YBX3: variants seen among roughly 807,000 people sequenced by gnomAD.
The protein encoded by YBX3 is Y-box-binding protein 3.
A neutral mutation model predicts 42.4 loss-of-function variants in YBX3; 29 were observed. The observed-to-expected ratio is 0.68, with a 90% CI of 0.51 to 0.93. YBX3 has a LOEUF of 0.93. YBX3 is among the 40% of genes least tolerant of loss of function. YBX3 has a pLI of 0.00. For synonymous variants in YBX3, 195 were observed against 189.8 expected, an observed-to-expected ratio of 1.03 and a Z score of -0.22; for missense variants, 517 against 527.5, an observed-to-expected ratio of 0.98 and a Z score of 0.19.
chr12:10,721,517 T>C (rs1390711508), intron 1 of YBX3, among the ~76,000 whole-genome samples: 1 of 152,192 alleles, frequency 6.6e-6, no homozygotes, highest in East Asian at 1.9e-4. Flanking sequence ...AACATCACAA[T>C]GTACTACTGA....
chr12:10,711,499 C>T (rs947550262), intron 5 of YBX3: 1 of 152,126 alleles, frequency 6.6e-6, no homozygotes, highest in African/African-American at 2.4e-5. Context: ...ATTATGTAAA[C>T]GTTTATTTGC....
At chr12:10,722,278 C>T (rs1391079202) in intron 1 of YBX3, 1 of 152,306 alleles carries the variant, frequency 6.6e-6, no homozygotes, top group African/African-American at 2.4e-5. Context: ...AGCATGGCGT[C>T]TTTCCCATGC....
In YBX3 at chr12:10,702,120, C is replaced by T. The variant is rs201062345; in HGVS notation, c.893G>A (p.Arg298His). Residue 298 changes from arginine (R) to histidine (H), a missense_variant, in exon 8 of 10, where the codon CGC (arginine) becomes CAC (histidine). By Grantham distance (29) the Arg-to-His change is conservative. Around this residue, in one of 3 missense-constraint regions of YBX3, gnomAD observed 420 missense variants for 408.5 expected, o/e 1.03. Coordinates refer to ENST00000228251, the MANE Select transcript of YBX3 (RefSeq NM_003651.5). The stretch of plus-strand genomic sequence containing the variant: ...TCCAACTGCTGGGGCAGGTCGTGGG[C>T]GAGGAGGTCCCCTGCTGTAGGGAAC... ...RPRYRSRGPP[R>H]PRPAPAVGEA... 6.9e-5 allele frequency: 111 copies of T among 1,613,592 alleles called. No homozygotes were observed. Among genetic ancestry groups the T allele is most frequent in the Admixed American group, 3.5e-4 (21 of 59,934 alleles).
At chr12:10,700,525 TA>T (rs992683604) in intron 9 of YBX3, among the ~76,000 whole-genome samples, 2 of 152,038 alleles carry the variant, frequency 1.3e-5, no homozygotes, top group African/African-American at 4.8e-5. Flanking sequence ...TCTATGTAAA[TA>T]AAATGTCCAA....
At position 10,713,278 on chromosome 12, in the gene YBX3, C is replaced by T. The variant is rs1387214449; in HGVS notation, c.506G>A (p.Arg169His). ...GPDGVPVEGSRYAADRRRYRR... is the reference protein window; with the variant it reads ...GPDGVPVEGSHYAADRRRYRR... ...GTAACGGCGCCGATCTGCAGCGTAA[C>T]GACTCCCTTCCACAGGAACTCCATC... The change falls in exon 5 of 10, where the codon CGT becomes CAT. Residue 169 changes from arginine (R) to histidine (H), a missense_variant. Arg to His is a conservative substitution (Grantham distance 29). Transcript: ENST00000228251. 6.8e-6 allele frequency: 11 copies of T among 1,613,920 alleles called. No homozygotes were observed. Among genetic ancestry groups the T allele is most frequent in the Non-Finnish European group, 8.5e-6 (10 of 1,180,030 alleles).
chr12:10,715,573 A>G, intron 4 of YBX3, 121 bp downstream of exon 4: 1 of 914,784 alleles, frequency 1.1e-6, no homozygotes, highest in Non-Finnish European at 1.7e-6. Context: ...TTTAAAAGTC[A>G]CTTCCTGCTA....
rs759580471 is a variant in YBX3, at chr12:10,704,043, C to T, written c.878+8G>A. ...TTTAACTGGCCATTAGTGGAAAATG[C>T]GACATACCTACGGTACCTTGGGCGG... is the stretch of plus-strand genomic sequence containing the variant. On this transcript the variant is annotated splice_region_variant and intron_variant, in intron 7 of 9. Coordinates refer to ENST00000228251, the MANE Select transcript of YBX3 (RefSeq NM_003651.5). 132 of 1,613,726 alleles carry T rather than the reference C, an allele frequency of 8.2e-5. No homozygotes were observed. Among genetic ancestry groups the T allele is most frequent in the Middle Eastern group, 1.6e-4 (1 of 6,084 alleles).
intron 6 of YBX3, among the ~76,000 whole-genome samples, chr12:10,709,445 G>C (rs1158913407): frequency 6.6e-6 from 1 of 152,120 alleles, no homozygotes; most frequent in East Asian, 1.9e-4. Flanking sequence ...TATGCTGCAG[G>C]CATCTCTTTT....
intron 1 of YBX3, among the ~76,000 whole-genome samples, 163 bp from the exon 2 acceptor site, chr12:10,719,306 G>C (rs1948298933): frequency 6.6e-6 from 1 of 152,122 alleles, no homozygotes; most frequent in Admixed American, 6.5e-5. Context: ...AGCAAGCCAA[G>C]ATCTCATAAG....
At chr12:10,722,725 G>A (rs1948343598) in intron 1 of YBX3, 125 bp downstream of exon 1, 1 of 905,052 alleles carries the variant, frequency 1.1e-6, no homozygotes, top group Non-Finnish European at 1.4e-6. Flanking sequence ...GAGATCCCTG[G>A]GGACCCTGTG....
chr12:10,712,035 C>G (rs540482447), intron 5 of YBX3: 21 of 152,246 alleles, frequency 1.4e-4, no homozygotes, highest in Admixed American at 2.6e-4. Context: ...AACAAAGAAA[C>G]AAGTGGGAAG....
chr12:10,711,026 T>C (rs1948194280), intron 5 of YBX3: 1 of 153,526 alleles, frequency 6.5e-6, no homozygotes, highest in Admixed American at 6.5e-5. Flanking sequence ...ACCTAAGGCA[T>C]GACTCCCTTT....
chr12:10,705,460 T>G (rs1948126914), intron 6 of YBX3, among the ~76,000 whole-genome samples: 1 of 152,220 alleles, frequency 6.6e-6, no homozygotes, highest in Non-Finnish European at 1.5e-5. Flanking sequence ...CAACTTGGGT[T>G]ATTGGTGTTC....
chr12:10,722,824 C>T, intron 1 of YBX3, 26 bp downstream of exon 1: 2 of 1,439,702 alleles, frequency 1.4e-6, no homozygotes, highest in Non-Finnish European at 1.8e-6. Flanking sequence ...ACTACGGCAG[C>T]CCCTGCCCTC....
chr12:10,705,019 T>C (rs1206000329), intron 6 of YBX3, among the ~76,000 whole-genome samples: 2 of 152,202 alleles, frequency 1.3e-5, no homozygotes, highest in South Asian at 4.1e-4. Context: ...TTTATCCCAA[T>C]GATGCCCTTT....
At chr12:10,710,175 A>G in intron 5 of YBX3, 61 bp from the exon 6 acceptor site, 1 of 1,567,390 alleles carries the variant, frequency 6.4e-7, no homozygotes. Flanking sequence ...ACCAAAGAAC[A>G]CCATTTAGGA....
rs746485801 is a variant in YBX3 at position 10,722,903 on chromosome 12, G to C, written c.209C>G (p.Ala70Gly). Residue 70 changes from alanine to glycine, a missense_variant, in exon 1 of 10, where the codon GCC becomes GGC. Coordinates refer to ENST00000228251, the MANE Select transcript of YBX3 (RefSeq NM_003651.5). ...AAPAATGTAA[A>G]ASLATAAGSE... ...GCCGGCGGCGGTGGCTAAAGAGGCG[G>C]CGGCCGCGGTGCCCGTGGCTGCGGG... is the stretch of plus-strand genomic sequence containing the variant. 4 of 1,443,822 alleles carry C rather than the reference G, an allele frequency of 2.8e-6. No homozygotes were observed. The highest frequency in any genetic ancestry group is 3.6e-6 in the Non-Finnish European group (4 of 1,098,378). 89.4% of individuals were successfully genotyped at this position (1,443,822 alleles called of 1,614,324 possible). A position where few individuals can be genotyped will look rare whatever the true frequency, so the allele number is the denominator to read the frequency against.
chr12:10,700,184 T>A lies in YBX3; in HGVS notation c.*35-530A>T, dbSNP rs190410396. Among the ~76,000 whole-genome samples, 5 of 152,334 alleles carry A rather than the reference T, an allele frequency of 3.3e-5. No individual in the cohort carries two copies. The East Asian group carries it at 9.6e-4, about 29-fold the overall frequency. Reference sequence around the variant, plus strand: ...TAGGGAACTTATTTCTGTGACAAACTGTCCATGCTACCCAAGATAAAACAG... The same window carrying A: ...TAGGGAACTTATTTCTGTGACAAACAGTCCATGCTACCCAAGATAAAACAG... On this transcript the variant is annotated intron_variant, in intron 9 of 9. Transcript: ENST00000228251.
intron 3 of YBX3, chr12:10,717,569 C>T (rs1457251586): frequency 1.3e-5 from 2 of 152,222 alleles, no homozygotes; most frequent in Non-Finnish European, 2.9e-5. Flanking sequence ...AGCTTTTGAC[C>T]TGGACACGTC....
Sources: allele counts gnomAD v4.1 joint callset (sites outside exome capture counted in the v4.1 genomes callset), GRCh38; gene constraint gnomAD v4.1.1; regional missense constraint gnomAD v4.1.1; transcripts MANE v1.5; gene names NCBI Gene and HGNC (gene_info 2026-07-23, HGNC 2026-07-21).